KCNMB4: variants seen among roughly 807,000 people sequenced by gnomAD.
KCNMB4 encodes calcium-activated potassium channel subunit beta-4.
A neutral mutation model predicts 20.7 loss-of-function variants in KCNMB4; 3 were observed. That is an observed-to-expected ratio of 0.14 (90% CI 0.07 to 0.37). The LOEUF (loss-of-function observed/expected upper bound fraction) is 0.37, where lower values mean the gene tolerates loss of function less well. Ranked by LOEUF, KCNMB4 falls within the 10% of genes least tolerant of loss-of-function variation. The probability of loss-of-function intolerance (pLI) is 1.00; values close to 1 mark genes in which losing one functional copy is unlikely to be tolerated. For synonymous variants in KCNMB4, 110 were observed against 113.4 expected, an observed-to-expected ratio of 0.97 and a Z score of 0.19; for missense variants, 168 against 265.9, an observed-to-expected ratio of 0.63 and a Z score of 2.56.
intron 1 of KCNMB4, among the ~76,000 whole-genome samples, chr12:70,376,774 A>C (rs1883694636): frequency 6.6e-6 from 1 of 151,866 alleles, no homozygotes; most frequent in African/African-American, 2.4e-5. Flanking sequence ...TGGGAGGCTG[A>C]AGTGGGAGGA....
chr12:70,399,890 C>T (rs1331517595), intron 1 of KCNMB4, among the ~76,000 whole-genome samples: 2 of 152,104 alleles, frequency 1.3e-5, no homozygotes, highest in African/African-American at 4.8e-5. Flanking sequence ...CCTCTGTTGA[C>T]GGACAGGTCA....
At chr12:70,379,786 G>C (rs1250205709) in intron 1 of KCNMB4, among the ~76,000 whole-genome samples, 1 of 152,178 alleles carries the variant, frequency 6.6e-6, no homozygotes, top group Non-Finnish European at 1.5e-5. Context: ...AGCTTCTGTA[G>C]CTTCCTCACT....
At chr12:70,424,687 C>A (rs1869161450) in intron 2 of KCNMB4, among the ~76,000 whole-genome samples, 1 of 151,488 alleles carries the variant, frequency 6.6e-6, no homozygotes, top group African/African-American at 2.4e-5. Context: ...GAGGCAGAGG[C>A]TGCAGTGAGC....
chr12:70,377,398 C>T (rs970258865), intron 1 of KCNMB4, among the ~76,000 whole-genome samples: 37 of 152,144 alleles, frequency 2.4e-4, no homozygotes, highest in African/African-American at 8.9e-4. Context: ...ATGTGCAGTA[C>T]CATTATGTCT....
At chr12:70,371,158 A>G (rs937120775) in intron 1 of KCNMB4, among the ~76,000 whole-genome samples, 1 of 152,176 alleles carries the variant, frequency 6.6e-6, no homozygotes, top group Admixed American at 6.5e-5. Flanking sequence ...CGCCCGGTCT[A>G]TATGTTTATT....
chr12:70,426,483 G>C (rs1869218805), intron 2 of KCNMB4, among the ~76,000 whole-genome samples: 1 of 152,074 alleles, frequency 6.6e-6, no homozygotes, highest in African/African-American at 2.4e-5. Flanking sequence ...CAGATTTCTG[G>C]ATCCCACAAA....
chr12:70,405,331 T>G (rs1868569746), intron 2 of KCNMB4, among the ~76,000 whole-genome samples: 1 of 152,168 alleles, frequency 6.6e-6, no homozygotes, highest in Non-Finnish European at 1.5e-5. Flanking sequence ...GGCTAAGGGC[T>G]TAAATAGATA....
chr12:70,385,757 A>G (rs1227905717), intron 1 of KCNMB4, among the ~76,000 whole-genome samples: 3 of 152,222 alleles, frequency 2.0e-5, no homozygotes, highest in East Asian at 1.9e-4. Context: ...GATCAATTCT[A>G]TGCCAATAAA....
chr12:70,369,485 C>G (rs748186364), intron 1 of KCNMB4, among the ~76,000 whole-genome samples: 1 of 152,206 alleles, frequency 6.6e-6, no homozygotes, highest in Non-Finnish European at 1.5e-5. Flanking sequence ...TATGCTTCCC[C>G]TCTGTTTCTT....
intron 2 of KCNMB4, among the ~76,000 whole-genome samples, chr12:70,414,218 C>T (rs1458481787): frequency 5.3e-5 from 8 of 151,906 alleles, no homozygotes; most frequent in East Asian, 1.9e-4. Context: ...GGTGACAGAG[C>T]GAGACTCTGT....
chr12:70,417,186 T>C (rs1199450755), intron 2 of KCNMB4, among the ~76,000 whole-genome samples: 1 of 152,218 alleles, frequency 6.6e-6, no homozygotes, highest in Non-Finnish European at 1.5e-5. Context: ...GACAATTTCC[T>C]AAGAGTAAAT....
chr12:70,421,470 G>GAA lies in KCNMB4; in HGVS notation c.465-8993_465-8992dup, dbSNP rs61303899. ...CAGAGTGAGACCTTGTCTCAAAAAA[G>GAA]AAAAAAAAAAAAAAAAAAAAAAACT... On this transcript the variant is annotated intron_variant, in intron 2 of 2. Transcript: ENST00000258111. 7.1e-4 allele frequency among the ~76,000 whole-genome samples: 54 copies of GAA among 75,660 alleles called. 1 individual carries two copies. Among genetic ancestry groups the GAA allele is most frequent in the African/African-American group, 1.9e-3 (36 of 19,300 alleles). The allele number at this position is 75,660 out of a possible 152,430, so 49.6% of individuals were successfully genotyped here.
chr12:70,387,468 T>A (rs1033516126), intron 1 of KCNMB4, among the ~76,000 whole-genome samples: 4 of 150,234 alleles, frequency 2.7e-5, no homozygotes, highest in Admixed American at 6.7e-5. Flanking sequence ...GGTGGTACAG[T>A]CTTGGCTCAC....
At chr12:70,399,276 T>C (rs974874772) in intron 1 of KCNMB4, among the ~76,000 whole-genome samples, 2 of 152,244 alleles carry the variant, frequency 1.3e-5, no homozygotes, top group African/African-American at 2.4e-5. Flanking sequence ...TTTTCCCTGC[T>C]CCTTAATATC....
rs1338381594 is a variant in KCNMB4, at chr12:70,433,003, GC to G, written c.*2351del. The G allele has an allele frequency of 6.6e-6, 1 of 152,096 alleles. No individual in the cohort carries two copies. Among genetic ancestry groups the G allele is most frequent in the Non-Finnish European group, 1.5e-5 (1 of 68,014 alleles). 9.4% of individuals were successfully genotyped at this position (152,096 alleles called of 1,614,324 possible). ...TTCCATTTATCCCGAAAAAGTATAT[GC>G]AACTGTATTCTGTAGGTTGATTTTT... On this transcript the variant is annotated 3_prime_UTR_variant, in exon 3 of 3. Coordinates refer to ENST00000258111, the MANE Select transcript of KCNMB4 (RefSeq NM_014505.6).
At chr12:70,406,429 A>G (rs755518108) in intron 2 of KCNMB4, among the ~76,000 whole-genome samples, 1 of 152,194 alleles carries the variant, frequency 6.6e-6, no homozygotes, top group Non-Finnish European at 1.5e-5. Context: ...TTGGAGGGAG[A>G]GAGAAAAATG....
chr12:70,426,633 G>T (rs551779817), intron 2 of KCNMB4, among the ~76,000 whole-genome samples: 1 of 152,284 alleles, frequency 6.6e-6, no homozygotes, highest in Admixed American at 6.5e-5. Context: ...TACAGACAGG[G>T]TTTCAAATCA....
At chr12:70,426,424 T>G (rs1206266751) in intron 2 of KCNMB4, among the ~76,000 whole-genome samples, 2 of 152,230 alleles carry the variant, frequency 1.3e-5, no homozygotes, top group East Asian at 1.9e-4. Flanking sequence ...ACACAATGCT[T>G]CTTAAACCGA....
intron 1 of KCNMB4, among the ~76,000 whole-genome samples, chr12:70,377,447 C>T (rs868676167): frequency 1.3e-4 from 20 of 152,196 alleles, no homozygotes; most frequent in African/African-American, 4.3e-4. Flanking sequence ...TATTTTATTA[C>T]TGAAAAATGC....
Sources: gnomAD v4.1 joint callset for allele counts (sites outside exome capture counted in the v4.1 genomes callset) on GRCh38, gnomAD v4.1.1 for gene constraint, MANE v1.5 for transcripts, NCBI Gene and HGNC (gene_info 2026-07-23, HGNC 2026-07-21) for gene names.